The following AGBL4 variants were observed in gnomAD, a reference collection of about 807,000 sequenced individuals.
The protein encoded by AGBL4 is AGBL carboxypeptidase 4, also known as cytosolic carboxypeptidase 6.
AGBL4 carries 58 observed loss-of-function variants against 66.4 expected under a neutral mutation model. The ratio of observed to expected loss-of-function variants is 0.87; its 90% CI spans 0.71 to 1.09. The LOEUF (loss-of-function observed/expected upper bound fraction) is 1.09. Among genes scored for constraint, AGBL4 ranks in the 50% least tolerant of loss-of-function variants. The pLI, the probability that AGBL4 is intolerant of heterozygous loss-of-function variation, is 0.00. For synonymous variants in AGBL4, 234 were observed against 222.9 expected, an observed-to-expected ratio of 1.05 and a Z score of -0.44; for missense variants, 579 against 631.0, an observed-to-expected ratio of 0.92 and a Z score of 0.88.
At chr1:48,935,878 G>C (rs917252084) in intron 5 of AGBL4, among the ~76,000 whole-genome samples, 2 of 140,872 alleles carry the variant, frequency 1.4e-5, no homozygotes, top group Admixed American at 1.6e-4. Flanking sequence ...AGAATCGCTT[G>C]AACCTGGGAG....
intron 6 of AGBL4, among the ~76,000 whole-genome samples, chr1:48,755,621 CT>C (rs1381037928): frequency 6.6e-6 from 1 of 152,050 alleles, no homozygotes; most frequent in Non-Finnish European, 1.5e-5. Context: ...CTCTCATTCG[CT>C]TTCTGGTTGT....
At chr1:48,673,167 G>A (rs1384909830) in intron 6 of AGBL4, among the ~76,000 whole-genome samples, 1 of 152,166 alleles carries the variant, frequency 6.6e-6, no homozygotes, top group Non-Finnish European at 1.5e-5. Flanking sequence ...GCACACATCT[G>A]CGTCTGACTG....
chr1:48,858,061 C>A (rs1647221876), intron 6 of AGBL4, among the ~76,000 whole-genome samples: 1 of 151,896 alleles, frequency 6.6e-6, no homozygotes, highest in Non-Finnish European at 1.5e-5. Context: ...ACAAAGGGCC[C>A]ATAAGCACAT....
intron 3 of AGBL4, among the ~76,000 whole-genome samples, chr1:49,425,352 A>T (rs970406160): frequency 1.3e-5 from 2 of 152,186 alleles, no homozygotes; most frequent in Non-Finnish European, 2.9e-5. Context: ...TAGTCATATG[A>T]AAAGGTGGTC....
chr1:49,466,849 G>C (rs916646684), intron 3 of AGBL4, among the ~76,000 whole-genome samples: 3 of 151,740 alleles, frequency 2.0e-5, no homozygotes, highest in Non-Finnish European at 4.4e-5. Context: ...GCATGTGTAG[G>C]TGTTGGCATG....
chr1:48,864,890 G>T (rs1647849915), intron 6 of AGBL4, among the ~76,000 whole-genome samples: 2 of 151,998 alleles, frequency 1.3e-5, no homozygotes, highest in South Asian at 4.1e-4. Flanking sequence ...CAAAGCCAAG[G>T]GGTTGGCATG....
intron 6 of AGBL4, among the ~76,000 whole-genome samples, chr1:48,674,912 C>G (rs2148471943): frequency 6.6e-6 from 1 of 152,268 alleles, no homozygotes; most frequent in South Asian, 2.1e-4. Context: ...ATAGCAATTG[C>G]CCAGCAGTAT....
chr1:49,712,758 C>CT (rs1647769762), intron 2 of AGBL4, among the ~76,000 whole-genome samples: 1 of 151,834 alleles, frequency 6.6e-6, no homozygotes, highest in Non-Finnish European at 1.5e-5. Flanking sequence ...TTGGGTTAGA[C>CT]CACTTGGATT....
chr1:49,473,134 G>A (rs1206564252), intron 3 of AGBL4, among the ~76,000 whole-genome samples: 1 of 151,852 alleles, frequency 6.6e-6, no homozygotes, highest in Non-Finnish European at 1.5e-5. Context: ...TGTATTTTTT[G>A]GTAAAATGAT....
At chr1:49,297,590 G>A (rs1318385098) in intron 3 of AGBL4, among the ~76,000 whole-genome samples, 1 of 152,072 alleles carries the variant, frequency 6.6e-6, no homozygotes, top group Admixed American at 6.6e-5. Flanking sequence ...TGTAGCACTT[G>A]GTTTCTCGCA....
chr1:48,899,422 T>TTG (rs960134591), intron 5 of AGBL4, among the ~76,000 whole-genome samples: 6 of 1,998 alleles, frequency 3.0e-3, no homozygotes, highest in African/African-American at 4.9e-3. Flanking sequence ...AAGTTAATAG[T>TTG]TTTTTTTTTT....
intron 4 of AGBL4, among the ~76,000 whole-genome samples, chr1:49,116,412 A>G (rs945477170): frequency 6.6e-6 from 1 of 152,030 alleles, no homozygotes; most frequent in African/African-American, 2.4e-5. Flanking sequence ...GATACTCCCC[A>G]TCCTGTGTCC....
At chr1:49,511,056 A>G (rs1649193170) in intron 3 of AGBL4, among the ~76,000 whole-genome samples, 1 of 151,946 alleles carries the variant, frequency 6.6e-6, no homozygotes, top group Non-Finnish European at 1.5e-5. Flanking sequence ...AGGATTCCTC[A>G]GGGATCTAGA....
At chr1:49,374,438 C>T (rs1330959137) in intron 3 of AGBL4, 1 of 152,042 alleles carries the variant, frequency 6.6e-6, no homozygotes, top group Non-Finnish European at 1.5e-5. Flanking sequence ...CCTGTACCAT[C>T]TCCGTCCATA....
chr1:49,767,823 A>G (rs1286087124), intron 2 of AGBL4, among the ~76,000 whole-genome samples: 3 of 152,098 alleles, frequency 2.0e-5, no homozygotes, highest in Non-Finnish European at 4.4e-5. Context: ...AAACATCTCT[A>G]TGCAAACAAA....
At chr1:48,862,840 G>A (rs1196505750) in intron 6 of AGBL4, among the ~76,000 whole-genome samples, 1 of 152,046 alleles carries the variant, frequency 6.6e-6, no homozygotes, top group Non-Finnish European at 1.5e-5. Flanking sequence ...AAAGTTCAAA[G>A]GAACATCCTC....
At chr1:49,633,846 A>G (rs547228485) in intron 3 of AGBL4, among the ~76,000 whole-genome samples, 171 of 148,234 alleles carry the variant, frequency 1.2e-3, no homozygotes, top group African/African-American at 3.9e-3. Flanking sequence ...TACATATTAT[A>G]TAATATAGTT....
intron 4 of AGBL4, among the ~76,000 whole-genome samples, chr1:49,165,558 A>C (rs890513505): frequency 3.3e-5 from 5 of 151,994 alleles, no homozygotes; most frequent in African/African-American, 1.2e-4. Flanking sequence ...CAAAATTGGA[A>C]GGGAATTTAA....
chr1:49,927,545 G>A (rs912891135), intron 1 of AGBL4, among the ~76,000 whole-genome samples: 1 of 152,090 alleles, frequency 6.6e-6, no homozygotes, highest in African/African-American at 2.4e-5. Flanking sequence ...CCACCCGAAT[G>A]ATCCAATTAT....
Sources: gnomAD v4.1 joint callset for allele counts (sites outside exome capture counted in the v4.1 genomes callset) on GRCh38, gnomAD v4.1.1 for gene constraint, MANE v1.5 for transcripts, NCBI Gene and HGNC (gene_info 2026-07-23, HGNC 2026-07-21) for gene names.